The following MYO1B variants were observed in gnomAD, a reference collection of about 807,000 sequenced individuals.
MYO1B encodes myosin IB, also known as unconventional myosin-Ib.
A neutral mutation model predicts 159.7 loss-of-function variants in MYO1B; 72 were observed. The ratio of observed to expected loss-of-function variants is 0.45; its 90% CI spans 0.37 to 0.55. The LOEUF is 0.55. MYO1B is among the 20% of genes least tolerant of loss of function. The pLI is 0.00. For synonymous variants in MYO1B, 468 were observed against 473.8 expected (o/e 0.99, Z 0.16); for missense variants, 1,062 against 1,364.8 (o/e 0.78, Z 3.50).
At chr2:191,367,172 C>G (rs1457087225) in intron 11 of MYO1B, among the ~76,000 whole-genome samples, 1 of 152,038 alleles carries the variant, frequency 6.6e-6, no homozygotes, top group Middle Eastern at 3.2e-3. Flanking sequence ...TTCTACACCC[C>G]ATATTAGTGG....
chr2:191,260,269 A>ATTTTTTTTTTTTTTTTTTTTTTTTTT (rs1574281122), intron 1 of MYO1B, among the ~76,000 whole-genome samples: 1 of 19,398 alleles, frequency 5.2e-5, no homozygotes, highest in Non-Finnish European at 6.7e-4. Flanking sequence ...TTTTTTTTTG[A>ATTTTTTTTTTTTTTTTTTTTTTTTTT]ATTAAAGCTA....
At chr2:191,247,531 G>A (rs1314905423) in intron 1 of MYO1B, among the ~76,000 whole-genome samples, 1 of 152,172 alleles carries the variant, frequency 6.6e-6, no homozygotes, top group Non-Finnish European at 1.5e-5. Context: ...ATTATGATGT[G>A]AAGTTGAAAT....
intron 3 of MYO1B, among the ~76,000 whole-genome samples, chr2:191,321,677 C>T (rs983506920): frequency 4.6e-5 from 7 of 152,166 alleles, no homozygotes; most frequent in Non-Finnish European, 7.4e-5. Flanking sequence ...AGCCTCTTTC[C>T]TTGCATATGC....
At chr2:191,295,638 C>G (rs1334259311) in intron 2 of MYO1B, among the ~76,000 whole-genome samples, 3 of 151,994 alleles carry the variant, frequency 2.0e-5, no homozygotes, top group African/African-American at 7.2e-5. Flanking sequence ...TTGCAGAGGG[C>G]CAGTGCCAAA....
chr2:191,356,105 A>G (rs368377713), intron 7 of MYO1B, among the ~76,000 whole-genome samples: 6 of 152,198 alleles, frequency 3.9e-5, no homozygotes, highest in Admixed American at 3.9e-4. Flanking sequence ...AAAGTCATCA[A>G]TAAAAGGCAT....
intron 3 of MYO1B, among the ~76,000 whole-genome samples, chr2:191,302,616 TG>T (rs1689405955): frequency 6.6e-6 from 1 of 152,046 alleles, no homozygotes; most frequent in Non-Finnish European, 1.5e-5. Context: ...AGAAGAAGAG[TG>T]TATTGTGGTA....
At chr2:191,322,766 TG>T (rs1690808559) in intron 3 of MYO1B, among the ~76,000 whole-genome samples, 1 of 152,172 alleles carries the variant, frequency 6.6e-6, no homozygotes, top group African/African-American at 2.4e-5. Context: ...TCCAATTATG[TG>T]GGTGTTACAG....
chr2:191,360,893 A>G (rs1693626947), intron 8 of MYO1B, among the ~76,000 whole-genome samples, 164 bp downstream of exon 8: 1 of 152,110 alleles, frequency 6.6e-6, no homozygotes, highest in Non-Finnish European at 1.5e-5. Context: ...AGGCATGAGC[A>G]CTGTGCCTGA....
intron 3 of MYO1B, among the ~76,000 whole-genome samples, chr2:191,296,814 C>A (rs917923518): frequency 3.3e-5 from 5 of 152,162 alleles, no homozygotes; most frequent in Non-Finnish European, 7.3e-5. Context: ...TAGAGTTCTT[C>A]GTTGACGTGC....
At chr2:191,404,251 C>CGTA (rs1696777670) in intron 24 of MYO1B, among the ~76,000 whole-genome samples, 1 of 152,088 alleles carries the variant, frequency 6.6e-6, no homozygotes, top group Non-Finnish European at 1.5e-5. Flanking sequence ...GGGGCACCAT[C>CGTA]GTATATGCCA....
chr2:191,364,112 G>GC, intron 10 of MYO1B, 46 bp from the exon 11 acceptor site: 1 of 1,448,044 alleles, frequency 6.9e-7, no homozygotes, highest in African/African-American at 1.4e-5. Context: ...ATTATTAGCA[G>GC]CACGTGTACA....
intron 13 of MYO1B, among the ~76,000 whole-genome samples, chr2:191,378,633 G>C (rs144710219): frequency 2.6e-5 from 4 of 152,158 alleles, no homozygotes; most frequent in Non-Finnish European, 5.9e-5. Context: ...CTGGGGATAC[G>C]ATGGCTTAGC....
intron 13 of MYO1B, among the ~76,000 whole-genome samples, chr2:191,375,820 A>G (rs1215468676): frequency 6.6e-6 from 1 of 152,006 alleles, no homozygotes; most frequent in Admixed American, 6.6e-5. Context: ...TTATCCAGGC[A>G]TAGTGGCATG....
At chr2:191,366,881 G>A (rs1033225724) in intron 11 of MYO1B, among the ~76,000 whole-genome samples, 4 of 151,438 alleles carry the variant, frequency 2.6e-5, no homozygotes, top group African/African-American at 9.7e-5. Flanking sequence ...TTTTTTTGCA[G>A]TTTGGCACCT....
At chr2:191,261,616 C>T (rs548438095) in intron 1 of MYO1B, among the ~76,000 whole-genome samples, 17 of 152,080 alleles carry the variant, frequency 1.1e-4, no homozygotes, top group African/African-American at 1.9e-4. Context: ...GCAGAGGGGA[C>T]GCCTGCTGCA....
intron 7 of MYO1B, among the ~76,000 whole-genome samples, chr2:191,352,787 C>T (rs1262500406): frequency 2.0e-5 from 3 of 152,124 alleles, no homozygotes; most frequent in African/African-American, 7.2e-5. Context: ...CATCGGTGGT[C>T]ACTGGGAGTT....
rs183325740 is a variant in MYO1B at position 191,387,138 on chromosome 2, G to A, written c.1555-86G>A. The A allele has an allele frequency of 1.8e-5, 24 of 1,341,158 alleles. No individual in the cohort carries two copies. In the African/African-American group the frequency reaches 3.2e-4, roughly 18 times the overall value. The allele number at this position is 1,341,158 out of a possible 1,614,324, so 83.1% of individuals were successfully genotyped here. ...TGATGGTGAAGGAAGTGGCTGCAAT[G>A]TAGATAGTCTTGGAGTATTTTTAAT... On this transcript the variant is annotated intron_variant, in intron 16 of 30. Transcript: ENST00000392318.
At chr2:191,398,435 C>T (rs1172244358) in intron 21 of MYO1B, among the ~76,000 whole-genome samples, 1 of 146,060 alleles carries the variant, frequency 6.8e-6, no homozygotes, top group African/African-American at 2.5e-5. Context: ...CCCCCCCCAC[C>T]TCCCTCCCGG....
intron 30 of MYO1B, among the ~76,000 whole-genome samples, chr2:191,418,482 A>ATTTTT (rs1159016855): frequency 0.1 from 8,187 of 80,942 alleles, 1,523 homozygotes; most frequent in Non-Finnish European, 0.11. Context: ...TCTTTAGTGG[A>ATTTTT]TTTTTTTTTT....
Sources: gnomAD v4.1 joint callset for allele counts (sites outside exome capture counted in the v4.1 genomes callset) on GRCh38, gnomAD v4.1.1 for gene constraint, MANE v1.5 for transcripts, NCBI Gene and HGNC (gene_info 2026-07-23, HGNC 2026-07-21) for gene names.